The following FGGY variants were observed in gnomAD, a reference collection of about 807,000 sequenced individuals.
The protein encoded by FGGY is FGGY carbohydrate kinase domain containing.
In FGGY, 72 loss-of-function variants were observed where a neutral mutation model predicts 71.3. The ratio of observed to expected loss-of-function variants is 1.01; its 90% CI spans 0.84 to 1.23. FGGY has a LOEUF of 1.23. Ranked by LOEUF, FGGY falls within the 50% of genes most tolerant of loss-of-function variation. FGGY has a pLI of 0.00. For synonymous variants in FGGY, 251 were observed against 250.3 expected, an observed-to-expected ratio of 1.00 and a Z score of -0.02; for missense variants, 668 against 682.3, an observed-to-expected ratio of 0.98 and a Z score of 0.23.
intron 10 of FGGY, among the ~76,000 whole-genome samples, chr1:59,628,410 G>A (rs936222552): frequency 2.6e-5 from 4 of 152,286 alleles, no homozygotes; most frequent in East Asian, 1.9e-4. Context: ...CTTAAATACT[G>A]AAGAACTGTC....
At chr1:59,708,973 A>AAAATTT (rs2154025369) in intron 14 of FGGY, among the ~76,000 whole-genome samples, 2 of 152,380 alleles carry the variant, frequency 1.3e-5, no homozygotes, top group East Asian at 3.9e-4. Context: ...AATTTTGGAT[A>AAAATTT]AGGGCTCAAC....
chr1:59,583,049 G>A (rs2096223821), intron 8 of FGGY, among the ~76,000 whole-genome samples: 1 of 118,312 alleles, frequency 8.5e-6, no homozygotes, highest in Non-Finnish European at 1.8e-5. Context: ...AACATCAGTA[G>A]GAAGATCTGG....
chr1:59,683,639 G>C (rs2097523061), intron 14 of FGGY, among the ~76,000 whole-genome samples: 1 of 152,212 alleles, frequency 6.6e-6, no homozygotes, highest in South Asian at 2.1e-4. Context: ...TCAGGAAGAA[G>C]ATAGGGAGAA....
intron 8 of FGGY, among the ~76,000 whole-genome samples, chr1:59,591,361 T>G (rs1305190140): frequency 6.6e-6 from 1 of 152,206 alleles, no homozygotes; most frequent in Non-Finnish European, 1.5e-5. Flanking sequence ...ATGGCCATAC[T>G]GCCCAAGGTA....
chr1:59,301,706 C>CTTTTTTTTTTTTTTT (rs34290988), intron 1 of FGGY, among the ~76,000 whole-genome samples: 1 of 54,964 alleles, frequency 1.8e-5, no homozygotes, highest in Admixed American at 3.0e-4. Flanking sequence ...TGTGATCATT[C>CTTTTTTTTTTTTTTT]TTTTTTTTTT....
intron 9 of FGGY, among the ~76,000 whole-genome samples, chr1:59,609,119 G>A (rs1051730475): frequency 1.3e-5 from 2 of 152,144 alleles, no homozygotes; most frequent in African/African-American, 4.8e-5. Context: ...TAGTCTACTT[G>A]GTAGGAAACT....
intron 14 of FGGY, among the ~76,000 whole-genome samples, chr1:59,756,550 T>A (rs1327359093): frequency 2.0e-5 from 3 of 152,244 alleles, no homozygotes; most frequent in Middle Eastern, 3.2e-3. Flanking sequence ...TATAGTGAGC[T>A]CTTTGATGAA....
intron 8 of FGGY, among the ~76,000 whole-genome samples, chr1:59,564,664 A>AT (rs1558367516): frequency 2.0e-5 from 3 of 152,230 alleles, no homozygotes; most frequent in Non-Finnish European, 2.9e-5. Context: ...GGGAACTGGA[A>AT]CTCACATGCC....
intron 8 of FGGY, among the ~76,000 whole-genome samples, chr1:59,592,924 T>C (rs545289695): frequency 5.3e-5 from 8 of 152,156 alleles, no homozygotes; most frequent in African/African-American, 1.7e-4. Flanking sequence ...ACCCTAGAAC[T>C]TCAACTATAG....
intron 5 of FGGY, among the ~76,000 whole-genome samples, chr1:59,402,620 A>G (rs1393239724): frequency 1.3e-5 from 2 of 152,196 alleles, no homozygotes; most frequent in Admixed American, 6.5e-5. Flanking sequence ...CATATTGCTT[A>G]GTATTTGGAA....
intron 8 of FGGY, among the ~76,000 whole-genome samples, chr1:59,568,464 C>CGGGGGGGGGGGGGGGG (rs56724590): frequency 1.7e-5 from 1 of 59,398 alleles, no homozygotes; most frequent in Non-Finnish European, 3.7e-5. Context: ...GTCGGGGGGG[C>CGGGGGGGGGGGGGGGG]GGGGGGGGGT....
chr1:59,589,872 A>G (rs1368077523), intron 8 of FGGY, among the ~76,000 whole-genome samples: 1 of 152,182 alleles, frequency 6.6e-6, no homozygotes, highest in Non-Finnish European at 1.5e-5. Context: ...ATCACAATTA[A>G]AAGAACTAGA....
chr1:59,337,362 G>A (rs922916278), intron 2 of FGGY, among the ~76,000 whole-genome samples: 7 of 151,996 alleles, frequency 4.6e-5, no homozygotes, highest in Non-Finnish European at 4.4e-5. Context: ...AGGGAGGAAG[G>A]TAAGCAATCT....
chr1:59,683,255 G>T (rs1040909136), intron 14 of FGGY, among the ~76,000 whole-genome samples: 1 of 152,274 alleles, frequency 6.6e-6, no homozygotes, highest in African/African-American at 2.4e-5. Context: ...TAAGTAATGT[G>T]CCTGTGGTCT....
In FGGY at chr1:59,458,665, T is replaced by C. The variant is rs1572396291; in HGVS notation, c.670+1589T>C. 5.3e-5 allele frequency among the ~76,000 whole-genome samples: 8 copies of C among 152,294 alleles called. No individual in the cohort carries two copies. The East Asian group carries it at 1.3e-3, about 26-fold the overall frequency. ...AATTTCCAGAGTAACTTTATTAGAT[T>C]TTTTCCCTGTTAAGTTAATGGATTT... On this transcript the variant is annotated intron_variant, in intron 6 of 15. Transcript: ENST00000303721.
intron 2 of FGGY, among the ~76,000 whole-genome samples, chr1:59,339,696 C>T (rs2050272373): frequency 6.6e-6 from 1 of 152,022 alleles, no homozygotes; most frequent in South Asian, 2.1e-4. Context: ...AACTCCTGAC[C>T]TTGTGATCTA....
Position 59,367,864 on chromosome 1 carries a change from C to T in FGGY, c.466-10885C>T, listed in dbSNP as rs75055449. Among the ~76,000 whole-genome samples, 708 of 152,234 alleles carry T rather than the reference C, an allele frequency of 4.7e-3. 3 individuals carry two copies. The highest frequency in any genetic ancestry group is 0.016 in the African/African-American group (678 of 41,532). On this transcript the variant is annotated intron_variant, in intron 4 of 15. Coordinates refer to ENST00000303721, the MANE Select transcript of FGGY (RefSeq NM_018291.5). Reference sequence around the variant, plus strand: ...CTGTGTGAGCTTTGAGTAGTAGCCTCCTCCCAACAAATGCTGTGGTTTGAT... The same window carrying T: ...CTGTGTGAGCTTTGAGTAGTAGCCTTCTCCCAACAAATGCTGTGGTTTGAT...
Position 59,667,325 on chromosome 1 carries a change from C to T in FGGY, c.1339C>T (p.His447Tyr), listed in dbSNP as rs1466882098. The change falls in exon 13 of 16, where the codon CAC becomes TAC. Residue 447 changes from histidine (H) to tyrosine (Y), a missense_variant. Around this residue, in one of 2 missense-constraint regions of FGGY, gnomAD observed 661 missense variants for 661.6 expected, o/e 1.00. Transcript: ENST00000303721. ...FIIEAMEAAGHSISTLFLCGG... is the reference protein window; with the variant it reads ...FIIEAMEAAGYSISTLFLCGG... ...TATAGAAGCCATGGAGGCAGCAGGG[C>T]ACTCAATCAGTACTCTTTTCCTATG... The T allele has an allele frequency of 1.2e-6, 2 of 1,614,158 alleles. No individual in the cohort carries two copies. The highest frequency in any genetic ancestry group is 1.3e-5 in the African/African-American group (1 of 75,042).
chr1:59,630,238 A>C (rs1018351966), intron 10 of FGGY, among the ~76,000 whole-genome samples: 2 of 152,184 alleles, frequency 1.3e-5, no homozygotes, highest in Admixed American at 6.6e-5. Context: ...ACACATGAGG[A>C]TTATGGGAAC....
Sources: allele counts gnomAD v4.1 joint callset (sites outside exome capture counted in the v4.1 genomes callset), GRCh38; gene constraint gnomAD v4.1.1; regional missense constraint gnomAD v4.1.1; transcripts MANE v1.5; gene names NCBI Gene and HGNC (gene_info 2026-07-23, HGNC 2026-07-21).